TRMT1L: variants seen among roughly 807,000 people sequenced by gnomAD.
The protein encoded by TRMT1L is tRNA (guanine(27)-N(2))-dimethyltransferase.
In TRMT1L, 28 loss-of-function variants were observed where a neutral mutation model predicts 81.6. The observed-to-expected ratio is 0.34, with a 90% confidence interval of 0.25 to 0.47. The LOEUF (loss-of-function observed/expected upper bound fraction) is 0.47. Ranked by LOEUF, TRMT1L falls within the 20% of genes least tolerant of loss-of-function variation. The pLI is 1.00. For missense variants in TRMT1L, 739 were observed against 877.1 expected (o/e 0.84, Z 1.99); for synonymous variants, 301 against 303.2 (o/e 0.99, Z 0.07).
At chr1:185,134,388 CA>C (rs905767155) in intron 10 of TRMT1L, among the ~76,000 whole-genome samples, 33 of 152,308 alleles carry the variant, frequency 2.2e-4, no homozygotes, top group African/African-American at 7.7e-4. Flanking sequence ...GATGGGGTTT[CA>C]CCATGTTGGC....
At chr1:185,141,041 GGCCCCTTTTCACAGTTTTTC>G (rs1429847298) in intron 7 of TRMT1L, among the ~76,000 whole-genome samples, 6 of 151,412 alleles carry the variant, frequency 4.0e-5, no homozygotes, top group African/African-American at 1.5e-4. Context: ...AGACCAAAAG[GGCCCCTTTTCACAGTTTTTC>G]CATATCTACT....
intron 1 of TRMT1L, among the ~76,000 whole-genome samples, chr1:185,153,756 G>A (rs1236070444): frequency 6.6e-6 from 1 of 152,094 alleles, no homozygotes; most frequent in African/African-American, 2.4e-5. Flanking sequence ...ATTAAGATTA[G>A]GAGAAACTGA....
At chr1:185,149,663 G>GT (rs1653288358) in intron 3 of TRMT1L, among the ~76,000 whole-genome samples, 1 of 151,930 alleles carries the variant, frequency 6.6e-6, no homozygotes, top group Middle Eastern at 3.2e-3. Context: ...ATGGATATGC[G>GT]TATTTTTAAT....
chr1:185,156,206 G>A (rs1303517393), intron 1 of TRMT1L, among the ~76,000 whole-genome samples: 1 of 152,116 alleles, frequency 6.6e-6, no homozygotes. Flanking sequence ...TCCCTTTTAA[G>A]AAAAAGCCCT....
chr1:185,121,843 T>C (rs1465410191), intron 13 of TRMT1L, among the ~76,000 whole-genome samples: 6 of 152,082 alleles, frequency 3.9e-5, no homozygotes, highest in Non-Finnish European at 7.4e-5. Context: ...TACGTGGGTA[T>C]ATTGTGTAAT....
chr1:185,128,848 G>C (rs1652698594), intron 10 of TRMT1L, 101 bp from the exon 11 acceptor site: 2 of 998,938 alleles, frequency 2.0e-6, no homozygotes, highest in Non-Finnish European at 1.5e-6. Flanking sequence ...ATATACTGAG[G>C]ATCTACTATG....
Position 185,135,686 on chromosome 1 carries a change from T to TA in TRMT1L, c.1513+1919dup, listed in dbSNP as rs760100151. Among the ~76,000 whole-genome samples, 203 of 151,162 alleles carry TA rather than the reference T, an allele frequency of 1.3e-3. 2 individuals are homozygous for TA. Among genetic ancestry groups the TA allele is most frequent in the Non-Finnish European group, 2.4e-3 (160 of 67,760 alleles). ...TTAAACTAGTTCTTAAGAACTAGTT[T>TA]AAAAAAAAATCAGTTTTTCAATTCC... is the stretch of plus-strand genomic sequence containing the variant. On this transcript the variant is annotated intron_variant, in intron 10 of 14. Transcript: ENST00000367506.
intron 1 of TRMT1L, among the ~76,000 whole-genome samples, chr1:185,155,867 A>G (rs953026667): frequency 1.3e-5 from 2 of 152,206 alleles, no homozygotes; most frequent in Non-Finnish European, 2.9e-5. Context: ...ACAAAACTCA[A>G]TTGGTATTTA....
chr1:185,146,700 C>A (rs1359554969), intron 4 of TRMT1L, among the ~76,000 whole-genome samples: 1 of 151,934 alleles, frequency 6.6e-6, no homozygotes, highest in Non-Finnish European at 1.5e-5. Context: ...GTCAAATCTA[C>A]CCTAAAAATA....
At chr1:185,123,495 T>C (rs544625152) in intron 13 of TRMT1L, among the ~76,000 whole-genome samples, 1 of 152,084 alleles carries the variant, frequency 6.6e-6, no homozygotes, top group African/African-American at 2.4e-5. Flanking sequence ...TTAAATGGAA[T>C]TGCTATAAAT....
intron 14 of TRMT1L, 46 bp from the exon 15 acceptor site, chr1:185,120,317 T>G (rs1219952942): frequency 6.7e-7 from 1 of 1,489,270 alleles, no homozygotes; most frequent in Non-Finnish European, 8.9e-7. Context: ...TCTTGTATTT[T>G]TATTTAAATC....
chr1:185,120,311 G>A (rs1342190734), intron 14 of TRMT1L, 40 bp from the exon 15 acceptor site: 1 of 1,490,762 alleles, frequency 6.7e-7, no homozygotes, highest in Non-Finnish European at 8.9e-7. Flanking sequence ...TCAGGTTCTT[G>A]TATTTTTATT....
chr1:185,124,593 G>A (rs992179387), intron 12 of TRMT1L, among the ~76,000 whole-genome samples: 1 of 151,798 alleles, frequency 6.6e-6, no homozygotes, highest in African/African-American at 2.4e-5. Flanking sequence ...GGAGGTTGAG[G>A]CTGAGGCAAG....
At chr1:185,136,785 C>G (rs1038324990) in intron 10 of TRMT1L, among the ~76,000 whole-genome samples, 4 of 151,982 alleles carry the variant, frequency 2.6e-5, no homozygotes, top group African/African-American at 7.2e-5. Flanking sequence ...TGGAACAGAA[C>G]AGAAAATCTA....
rs1190900012 is a variant in TRMT1L, at chr1:185,151,809, C to T, written c.346+16G>A. 1 of 1,493,940 alleles carries T rather than the reference C, an allele frequency of 6.7e-7. No individual in the cohort carries two copies. Among genetic ancestry groups the T allele is most frequent in the Admixed American group, 2.4e-5 (1 of 41,924 alleles). 92.5% of individuals were successfully genotyped at this position (1,493,940 alleles called of 1,614,324 possible). On this transcript the variant is annotated intron_variant, in intron 2 of 14. Transcript: ENST00000367506. Reference sequence around the variant, plus strand: ...TTAGAAACTAAGAAAAAAAAAAAACCCAAACATGGAAATACCTGCATCAAG... The same window carrying T: ...TTAGAAACTAAGAAAAAAAAAAAACTCAAACATGGAAATACCTGCATCAAG...
intron 1 of TRMT1L, 124 bp downstream of exon 1, chr1:185,156,354 C>T: frequency 6.2e-7 from 1 of 1,605,558 alleles, no homozygotes. Context: ...CTCTTTCCTC[C>T]CCACCATTTT....
intron 2 of TRMT1L, 92 bp from the exon 3 acceptor site, chr1:185,150,584 C>A: frequency 2.4e-6 from 2 of 821,916 alleles, no homozygotes; most frequent in Admixed American, 4.9e-5. Flanking sequence ...GGCTCCCCCT[C>A]CTACTTCTTA....
At chr1:185,139,882 C>T in intron 8 of TRMT1L, 91 bp downstream of exon 8, 1 of 1,402,848 alleles carries the variant, frequency 7.1e-7, no homozygotes, top group Non-Finnish European at 9.6e-7. Flanking sequence ...AATAAATAAA[C>T]AACAAAAAAC....
At chr1:185,145,360 T>G in intron 5 of TRMT1L, 79 bp downstream of exon 5, 2 of 1,447,530 alleles carry the variant, frequency 1.4e-6, no homozygotes, top group Non-Finnish European at 1.9e-6. Context: ...TATTTTATAT[T>G]CCTGATGTCT....
Sources: gnomAD v4.1 joint callset for allele counts (sites outside exome capture counted in the v4.1 genomes callset) on GRCh38, gnomAD v4.1.1 for gene constraint, MANE v1.5 for transcripts, NCBI Gene and HGNC (gene_info 2026-07-23, HGNC 2026-07-21) for gene names.